TMEM87B: variants seen among roughly 807,000 people sequenced by gnomAD.
TMEM87B encodes transmembrane protein 87B.
TMEM87B carries 83 observed loss-of-function variants against 80.3 expected under a neutral mutation model. The ratio of observed to expected loss-of-function variants is 1.03; its 90% CI spans 0.87 to 1.24. The LOEUF (loss-of-function observed/expected upper bound fraction) is 1.24, where lower values mean the gene tolerates loss of function less well. Among genes scored for constraint, TMEM87B ranks in the 50% most tolerant of loss-of-function variants. The pLI, the probability that TMEM87B is intolerant of heterozygous loss-of-function variation, is 0.00. For missense variants in TMEM87B, 625 were observed against 674.4 expected (o/e 0.93, Z 0.81); for synonymous variants, 219 against 230.5 (o/e 0.95, Z 0.45).
At chr2:112,076,842 TTGTGTGTGTGTGTGTGTGTG>T (rs70962982) in intron 5 of TMEM87B, among the ~76,000 whole-genome samples, 67,830 of 139,262 alleles carry the variant, frequency 0.49, 16,773 homozygotes, top group East Asian at 0.85. Context: ...CTTTTCTGTT[TTGTGTGTGTGTGTGTGTGTG>T]TGTGTGTGTG....
chr2:112,056,745 C>G (rs1678081718), intron 1 of TMEM87B, among the ~76,000 whole-genome samples: 1 of 152,192 alleles, frequency 6.6e-6, no homozygotes, highest in Non-Finnish European at 1.5e-5. Flanking sequence ...CAGAGGAACA[C>G]GCTGGGTATC....
Position 112,074,799 on chromosome 2 carries a change from T to C in TMEM87B, c.451-113T>C, listed in dbSNP as rs925489490. The C allele has an allele frequency of 3.1e-6, 4 of 1,271,980 alleles. No individual in the cohort carries two copies. The African/African-American group carries it at 6.2e-5, about 20-fold the overall frequency. The allele number at this position is 1,271,980 out of a possible 1,614,324, so 78.8% of individuals were successfully genotyped here. ...ATACAGTGAGATTTGTTCTTTGATG[T>C]TTAGCTTTTTAATTTTTCATTTTTC... On this transcript the variant is annotated intron_variant, in intron 4 of 18. Coordinates refer to ENST00000283206, the MANE Select transcript of TMEM87B (RefSeq NM_032824.3).
At chr2:112,060,775 G>A (rs1310795442) in intron 2 of TMEM87B, among the ~76,000 whole-genome samples, 1 of 152,012 alleles carries the variant, frequency 6.6e-6, no homozygotes, top group Non-Finnish European at 1.5e-5. Context: ...GACCCCAGGT[G>A]ATCCACCCAC....
intron 6 of TMEM87B, among the ~76,000 whole-genome samples, chr2:112,079,015 G>A (rs954686402): frequency 6.6e-6 from 1 of 152,140 alleles, no homozygotes; most frequent in African/African-American, 2.4e-5. Flanking sequence ...TGACATAAAT[G>A]TATGGGGTAC....
At chr2:112,109,106 T>C (rs1269196522) in intron 17 of TMEM87B, among the ~76,000 whole-genome samples, 1 of 152,234 alleles carries the variant, frequency 6.6e-6, no homozygotes, top group Admixed American at 6.5e-5. Flanking sequence ...GAATTCAAAC[T>C]GTCTTGTTGG....
At chr2:112,079,962 C>T (rs55792305) in intron 6 of TMEM87B, among the ~76,000 whole-genome samples, 8,427 of 129,670 alleles carry the variant, frequency 0.065, 565 homozygotes, top group African/African-American at 0.18. Flanking sequence ...CAGGAGTTCG[C>T]TCTGTCACCC....
chr2:112,087,343 T>C (rs1337053857), intron 9 of TMEM87B, among the ~76,000 whole-genome samples: 1 of 152,172 alleles, frequency 6.6e-6, no homozygotes, highest in East Asian at 1.9e-4. Context: ...CTGCTGGCAG[T>C]TGTACTCAAT....
intron 11 of TMEM87B, among the ~76,000 whole-genome samples, chr2:112,092,800 G>C (rs1679343559): frequency 6.6e-6 from 1 of 152,140 alleles, no homozygotes; most frequent in Admixed American, 6.5e-5. Context: ...GAATCCCATT[G>C]CTTTTTCTTC....
rs1208465934 is a variant in TMEM87B, at chr2:112,055,869, TC to T, written c.165+117del. On this transcript the variant is annotated intron_variant, in intron 1 of 18. Coordinates refer to ENST00000283206, the MANE Select transcript of TMEM87B (RefSeq NM_032824.3). ...CTGCCTCTGCCGGGTCAGCACCGGG[TC>T]CCCTGATACCCTCCCTGAGCCTTTT... 3 of 1,299,776 alleles carry T rather than the reference TC, an allele frequency of 2.3e-6. No individual in the cohort carries two copies. In the African/African-American group the frequency reaches 4.7e-5, roughly 20 times the overall value. The allele number at this position is 1,299,776 out of a possible 1,614,324, so 80.5% of individuals were successfully genotyped here. A position where few individuals can be genotyped will look rare whatever the true frequency, so the allele number is the denominator to read the frequency against.
chr2:112,069,214 AAAAAAAACTC>A (rs1289984531), intron 4 of TMEM87B, among the ~76,000 whole-genome samples: 1 of 151,662 alleles, frequency 6.6e-6, no homozygotes, highest in African/African-American at 2.4e-5. Context: ...AAAAAAAAAA[AAAAAAAACTC>A]ATGTCACAGG....
At chr2:112,108,668 A>G (rs1300452411) in intron 17 of TMEM87B, among the ~76,000 whole-genome samples, 1 of 152,002 alleles carries the variant, frequency 6.6e-6, no homozygotes, top group Non-Finnish European at 1.5e-5. Context: ...CACATGTTAT[A>G]TGGGTTTTGT....
At chr2:112,111,146 T>C (rs376060497) in intron 17 of TMEM87B, among the ~76,000 whole-genome samples, 2 of 152,338 alleles carry the variant, frequency 1.3e-5, no homozygotes, top group African/African-American at 4.8e-5. Flanking sequence ...GTTTTTTTGG[T>C]AATGCTGAAG....
chr2:112,055,527 C>A lies in TMEM87B; in HGVS notation c.-65C>A. 7.1e-7 allele frequency: 1 copy of A among 1,404,546 alleles called. No individual in the cohort carries two copies. The highest frequency in any genetic ancestry group is 3.0e-5 in the East Asian group (1 of 33,340). 87.0% of individuals were successfully genotyped at this position (1,404,546 alleles called of 1,614,324 possible). A position where few individuals can be genotyped will look rare whatever the true frequency, so the allele number is the denominator to read the frequency against. Reference sequence around the variant, plus strand: ...CGGATTCGGACCCGCCTGCCTGGGGCGGTGCTGCACCAGGTGCGGGTGTGG... The same window carrying A: ...CGGATTCGGACCCGCCTGCCTGGGGAGGTGCTGCACCAGGTGCGGGTGTGG... On this transcript the variant is annotated 5_prime_UTR_variant, in exon 1 of 19. Transcript: ENST00000283206.
At chr2:112,108,935 A>G (rs1449255025) in intron 17 of TMEM87B, among the ~76,000 whole-genome samples, 1 of 152,194 alleles carries the variant, frequency 6.6e-6, no homozygotes, top group Non-Finnish European at 1.5e-5. Flanking sequence ...TCAGCAATAT[A>G]TGAGGGTTCC....
At chr2:112,061,665 A>AT (rs1277491114) in intron 2 of TMEM87B, among the ~76,000 whole-genome samples, 1 of 152,248 alleles carries the variant, frequency 6.6e-6, no homozygotes, top group Non-Finnish European at 1.5e-5. Flanking sequence ...TGGAAAAAAA[A>AT]GTAACGTCAG....
At chr2:112,076,442 C>T (rs1282685852) in intron 5 of TMEM87B, among the ~76,000 whole-genome samples, 5 of 152,000 alleles carry the variant, frequency 3.3e-5, no homozygotes, top group Non-Finnish European at 5.9e-5. Flanking sequence ...CAAGTTCAAG[C>T]GATTCTTCTG....
rs1374392204 is a variant in TMEM87B, at chr2:112,066,167, A to G, written c.319-769A>G. 2.0e-5 allele frequency among the ~76,000 whole-genome samples: 3 copies of G among 152,166 alleles called. No homozygotes were observed. The East Asian group carries it at 5.8e-4, about 29-fold the overall frequency. ...AGCATCCTTTCATGATTCTTGCCTG[A>G]TGAGTCAGTCATTACTGTGCTGATT... On this transcript the variant is annotated intron_variant, in intron 3 of 18. Coordinates refer to ENST00000283206, the MANE Select transcript of TMEM87B (RefSeq NM_032824.3).
At chr2:112,060,920 G>A (rs144917671) in intron 2 of TMEM87B, among the ~76,000 whole-genome samples, 2 of 152,016 alleles carry the variant, frequency 1.3e-5, no homozygotes, top group Non-Finnish European at 2.9e-5. Flanking sequence ...TCTAATAGAC[G>A]AACAAAAAAA....
chr2:112,055,727 C>T lies in TMEM87B; in HGVS notation c.136C>T (p.Leu46Phe). The change falls in exon 1 of 19, where the codon CTC becomes TTC. Residue 46 changes from leucine to phenylalanine, a missense_variant. By Grantham distance (22) the Leu-to-Phe change is conservative (BLOSUM62 0). Coordinates refer to ENST00000283206, the MANE Select transcript of TMEM87B (RefSeq NM_032824.3). ...TPAAVRAVPE[L>F]GLWLETVNDK... is the part of the protein sequence containing the mutation. ...GGCGGCTGTGCGCGCGGTCCCTGAG[C>T]TCGGGCTCTGGTTAGAGACAGTCAA... is the stretch of plus-strand genomic sequence containing the variant. 2 of 1,526,484 alleles carry T rather than the reference C, an allele frequency of 1.3e-6. No individual in the cohort carries two copies. Among genetic ancestry groups the T allele is most frequent in the Non-Finnish European group, 1.7e-6 (2 of 1,144,206 alleles). The allele number at this position is 1,526,484 out of a possible 1,614,324, so 94.6% of individuals were successfully genotyped here. A position where few individuals can be genotyped will look rare whatever the true frequency, so the allele number is the denominator to read the frequency against.
Sources: gnomAD v4.1 joint callset for allele counts (sites outside exome capture counted in the v4.1 genomes callset) on GRCh38, gnomAD v4.1.1 for gene constraint, MANE v1.5 for transcripts, NCBI Gene and HGNC (gene_info 2026-07-23, HGNC 2026-07-21) for gene names.